The following PCCA variants were observed in gnomAD, a reference collection of about 807,000 sequenced individuals.
PCCA encodes propionyl-CoA carboxylase alpha chain, mitochondrial.
PCCA carries 74 observed loss-of-function variants against 101.3 expected under a neutral mutation model. That is an observed-to-expected ratio of 0.73 (90% CI 0.61 to 0.89). PCCA has a LOEUF of 0.89. PCCA is among the 40% of genes least tolerant of loss of function. The pLI is 0.00. For missense variants in PCCA, 891 were observed against 907.0 expected (o/e 0.98, Z 0.23); for synonymous variants, 294 against 313.6 (o/e 0.94, Z 0.66).
intron 7 of PCCA, among the ~76,000 whole-genome samples, chr13:100,219,758 A>G (rs1465354707): frequency 6.6e-6 from 1 of 152,208 alleles, no homozygotes; most frequent in African/African-American, 2.4e-5. Flanking sequence ...ACATTTGCCT[A>G]CTATCATTTT....
Position 100,300,106 on chromosome 13 carries a change from A to G in PCCA, c.1066-1354A>G, listed in dbSNP as rs1242359444. ...GGGTTTTTTTGCTAGTTACTTTCTT[A>G]TTGTATTTATCTTATAGAGTCTTGG... On this transcript the variant is annotated intron_variant, in intron 12 of 23. Transcript: ENST00000376285. 2.0e-5 allele frequency among the ~76,000 whole-genome samples: 3 copies of G among 152,188 alleles called. No individual in the cohort carries two copies. In the East Asian group the frequency reaches 5.8e-4, roughly 29 times the overall value.
chr13:100,268,126 A>AT (rs1166732515), intron 10 of PCCA, among the ~76,000 whole-genome samples: 1 of 152,046 alleles, frequency 6.6e-6, no homozygotes, highest in Non-Finnish European at 1.5e-5. Flanking sequence ...TGGATTTCAG[A>AT]TTTTCTGGTT....
At position 100,387,863 on chromosome 13, in the gene PCCA, G is replaced by A. The variant is rs867549398; in HGVS notation, c.1746+19289G>A. 3.9e-5 allele frequency among the ~76,000 whole-genome samples: 6 copies of A among 152,126 alleles called. No individual in the cohort carries two copies. In the Middle Eastern group the frequency reaches 0.02, roughly 517 times the overall value. Reference sequence around the variant, plus strand: ...ATGACTCAGTCATGGTGTGCTCAAGGGCCAAGTAACTTGTTATGGTGCTAA... The same window carrying A: ...ATGACTCAGTCATGGTGTGCTCAAGAGCCAAGTAACTTGTTATGGTGCTAA... On this transcript the variant is annotated intron_variant, in intron 19 of 23. Coordinates refer to ENST00000376285, the MANE Select transcript of PCCA (RefSeq NM_000282.4).
chr13:100,374,208 C>T (rs1473168309), intron 19 of PCCA, among the ~76,000 whole-genome samples: 2 of 152,038 alleles, frequency 1.3e-5, no homozygotes, highest in Admixed American at 1.3e-4. Context: ...AAGTGTTAAT[C>T]GTAGGAGAAG....
chr13:100,499,579 G>A (rs113934844), intron 21 of PCCA, among the ~76,000 whole-genome samples: 155 of 152,294 alleles, frequency 1.0e-3, no homozygotes, highest in African/African-American at 3.5e-3. Context: ...TTATTAAGGC[G>A]GTTCCAGCCT....
At chr13:100,453,920 A>T (rs184605358) in intron 21 of PCCA, among the ~76,000 whole-genome samples, 171 of 152,278 alleles carry the variant, frequency 1.1e-3, no homozygotes, top group African/African-American at 4.0e-3. Context: ...GCTGGAGTGC[A>T]GTGGCGCGAT....
rs539342544 is a variant in PCCA, at chr13:100,266,476, T to C, written c.820-2213T>C. Among the ~76,000 whole-genome samples, 3 of 152,328 alleles carry C rather than the reference T, an allele frequency of 2.0e-5. No homozygotes were observed. The South Asian group carries it at 6.2e-4, about 32-fold the overall frequency. Reference sequence around the variant, plus strand: ...GAAGGGTTTTTAATTTACTTTTCTTTAGTTTTCACTTATTTATATTAAGTA... The same window carrying C: ...GAAGGGTTTTTAATTTACTTTTCTTCAGTTTTCACTTATTTATATTAAGTA... On this transcript the variant is annotated intron_variant, in intron 10 of 23. Coordinates refer to ENST00000376285, the MANE Select transcript of PCCA (RefSeq NM_000282.4).
chr13:100,435,863 G>A (rs1364523937), intron 20 of PCCA, among the ~76,000 whole-genome samples: 1 of 152,040 alleles, frequency 6.6e-6, no homozygotes, highest in Non-Finnish European at 1.5e-5. Context: ...GGCCAACATC[G>A]TGAAACCCCG....
intron 7 of PCCA, among the ~76,000 whole-genome samples, chr13:100,216,234 C>T (rs2059505808): frequency 6.6e-6 from 1 of 152,116 alleles, no homozygotes; most frequent in African/African-American, 2.4e-5. Context: ...TGGAGAAGAG[C>T]AAAGCATATT....
intron 6 of PCCA, among the ~76,000 whole-genome samples, chr13:100,187,733 A>T (rs1261395474): frequency 6.6e-6 from 1 of 152,100 alleles, no homozygotes. Flanking sequence ...ACATAGGTAA[A>T]TGTGTGTCAT....
intron 14 of PCCA, chr13:100,305,845 TG>T: frequency 2.3e-6 from 1 of 442,018 alleles, no homozygotes; most frequent in South Asian, 1.8e-5. Flanking sequence ...GTAAGTGTGC[TG>T]AATGATTTTT....
intron 7 of PCCA, among the ~76,000 whole-genome samples, chr13:100,219,571 A>G (rs2059699273): frequency 6.6e-6 from 1 of 152,214 alleles, no homozygotes; most frequent in Non-Finnish European, 1.5e-5. Context: ...ATATCTGTCA[A>G]CTGAGTAGTT....
At position 100,517,776 on chromosome 13, in the gene PCCA, G is replaced by A. The variant is rs375715931; in HGVS notation, c.2040+2209G>A. Among the ~76,000 whole-genome samples, 228 of 152,182 alleles carry A rather than the reference G, an allele frequency of 1.5e-3. 1 individual carries two copies. The highest frequency in any genetic ancestry group is 0.01 in the Middle Eastern group (3 of 294). On this transcript the variant is annotated intron_variant, in intron 22 of 23. Coordinates refer to ENST00000376285, the MANE Select transcript of PCCA (RefSeq NM_000282.4). ...TTTTGATGAAACAGCCTTTTCTCTT[G>A]AATTACTGCTTGTGAAAAATGTCCC...
intron 19 of PCCA, among the ~76,000 whole-genome samples, chr13:100,370,680 A>G (rs1033047888): frequency 1.3e-5 from 2 of 152,262 alleles, no homozygotes; most frequent in Non-Finnish European, 2.9e-5. Flanking sequence ...TCCTAGGCAT[A>G]TTTAAATTTA....
chr13:100,307,143 AT>A (rs773187651), intron 14 of PCCA, 48 bp from the exon 15 acceptor site: 7 of 1,355,552 alleles, frequency 5.2e-6, no homozygotes, highest in Non-Finnish European at 7.3e-6. Flanking sequence ...TTACAAAAAA[AT>A]ATCTACACAA....
chr13:100,295,565 G>A (rs1330221478), intron 12 of PCCA, among the ~76,000 whole-genome samples: 1 of 152,212 alleles, frequency 6.6e-6, no homozygotes, highest in Non-Finnish European at 1.5e-5. Context: ...TATCTTGAGA[G>A]CAATCTCCTA....
intron 10 of PCCA, among the ~76,000 whole-genome samples, chr13:100,264,177 A>G (rs370941987): frequency 8.8e-6 from 1 of 113,806 alleles, no homozygotes; most frequent in South Asian, 2.6e-4. Flanking sequence ...TATATCGTAT[A>G]TATGTGATAT....
At chr13:100,251,714 A>G (rs1345504313) in intron 8 of PCCA, among the ~76,000 whole-genome samples, 1 of 152,208 alleles carries the variant, frequency 6.6e-6, no homozygotes, top group African/African-American at 2.4e-5. Context: ...AATTTAATGG[A>G]TGCCATCTTA....
chr13:100,260,052 C>G (rs2062380267), intron 9 of PCCA, among the ~76,000 whole-genome samples: 1 of 152,086 alleles, frequency 6.6e-6, no homozygotes, highest in Non-Finnish European at 1.5e-5. Context: ...AATGAAAGAT[C>G]TCAATCATTA....
Sources: gnomAD v4.1 joint callset for allele counts (sites outside exome capture counted in the v4.1 genomes callset) on GRCh38, gnomAD v4.1.1 for gene constraint, MANE v1.5 for transcripts, NCBI Gene and HGNC (gene_info 2026-07-23, HGNC 2026-07-21) for gene names.